The following CSMD1 variants were observed in gnomAD, a reference collection of about 807,000 sequenced individuals.
CSMD1 encodes the protein CUB and Sushi multiple domains 1.
Under a neutral mutation model 417.5 loss-of-function variants are expected in CSMD1, and 213 were observed. The ratio of observed to expected loss-of-function variants is 0.51; its 90% confidence interval spans 0.46 to 0.57. The LOEUF is 0.57. Ranked by LOEUF, CSMD1 falls within the 20% of genes least tolerant of loss-of-function variation. The pLI is 0.00. For synonymous variants in CSMD1, 2,862 were observed against 1,736.8 expected (o/e 1.65, Z -16.11); for missense variants, 6,923 against 4,529.7 (o/e 1.53, Z -15.17).
chr8:4,208,119 CAT>C lies in CSMD1; in HGVS notation c.416-176022_416-176021del, dbSNP rs199726948. ...ATATCAGGACAAGCAATTTCATACACATGATGATTTTCTTAATAAAACATATC... is the reference window on the plus strand; with the variant it reads ...ATATCAGGACAAGCAATTTCATACACGATGATTTTCTTAATAAAACATATC... On this transcript the variant is annotated intron_variant, in intron 3 of 69. Coordinates refer to ENST00000635120, the MANE Select transcript of CSMD1 (RefSeq NM_033225.6). Among the ~76,000 whole-genome samples, 1,185 of 152,216 alleles carry C rather than the reference CAT, an allele frequency of 7.8e-3. 4 individuals carry two copies. Among genetic ancestry groups the C allele is most frequent in the Middle Eastern group, 0.034 (10 of 294 alleles).
intron 26 of CSMD1, among the ~76,000 whole-genome samples, chr8:3,245,789 C>T (rs1327892235): frequency 1.3e-5 from 2 of 152,230 alleles, no homozygotes; most frequent in South Asian, 2.1e-4. Context: ...TGTGTTAAGC[C>T]CTCTTGCTAG....
At chr8:4,371,718 G>T (rs899562853) in intron 3 of CSMD1, among the ~76,000 whole-genome samples, 3 of 152,176 alleles carry the variant, frequency 2.0e-5, no homozygotes, top group African/African-American at 4.8e-5. Context: ...TTGTATGTAT[G>T]TATGTTTTTA....
At chr8:3,839,555 ATT>A (rs1453071233) in intron 5 of CSMD1, among the ~76,000 whole-genome samples, 3 of 96,730 alleles carry the variant, frequency 3.1e-5, no homozygotes, top group African/African-American at 7.0e-5. Flanking sequence ...TTATATATAT[ATT>A]ATAATATATA....
chr8:4,393,040 A>G (rs1035632751), intron 3 of CSMD1, among the ~76,000 whole-genome samples: 10 of 151,736 alleles, frequency 6.6e-5, no homozygotes, highest in Non-Finnish European at 1.5e-4. Flanking sequence ...CAGTGACATG[A>G]CCTAGGCTCA....
rs1554527949 is a variant in CSMD1, at chr8:3,741,230, A to AAAAAC, written c.931+12699_931+12700insGTTTT. Among the ~76,000 whole-genome samples the AAAAAC allele has an allele frequency of 2.1e-3, 316 of 150,748 alleles. 11 individuals are homozygous for AAAAAC. In the East Asian group the frequency reaches 0.045, roughly 22 times the overall value. ...CTCCGTCTTAAAAAAAAAAAAAAAAAAAAAAAAAAAACATACAGAAGAAGA... is the reference window on the plus strand; with the variant it reads ...CTCCGTCTTAAAAAAAAAAAAAAAAAAAAACAAAAAAAAAAACATACAGAAGAAGA... On this transcript the variant is annotated intron_variant, in intron 6 of 69. Transcript: ENST00000635120.
chr8:4,020,664 C>G (rs568606648), intron 4 of CSMD1, among the ~76,000 whole-genome samples: 31 of 152,318 alleles, frequency 2.0e-4, no homozygotes, highest in African/African-American at 5.8e-4. Context: ...TATTCCAGGA[C>G]AGATAACAAA....
intron 1 of CSMD1, among the ~76,000 whole-genome samples, chr8:4,855,318 A>G (rs1273843515): frequency 6.6e-6 from 1 of 152,094 alleles, no homozygotes. Flanking sequence ...TGGGGAAAAA[A>G]CAGAACAGAA....
intron 3 of CSMD1, among the ~76,000 whole-genome samples, chr8:4,053,792 G>A (rs916640160): frequency 2.6e-5 from 4 of 152,026 alleles, no homozygotes; most frequent in African/African-American, 9.7e-5. Context: ...GAATAAACCA[G>A]TATGTTTAAA....
chr8:3,561,183 G>A (rs1345161863), intron 10 of CSMD1, among the ~76,000 whole-genome samples: 3 of 152,114 alleles, frequency 2.0e-5, no homozygotes, highest in Non-Finnish European at 4.4e-5. Context: ...AATACTATTG[G>A]TAGCAATGTA....
At chr8:3,459,762 C>A (rs1378693193) in intron 12 of CSMD1, among the ~76,000 whole-genome samples, 4 of 152,064 alleles carry the variant, frequency 2.6e-5, no homozygotes, top group Non-Finnish European at 5.9e-5. Context: ...GGCACATGAA[C>A]AGATTTGGGT....
chr8:3,693,179 T>A (rs1273523678), intron 7 of CSMD1, among the ~76,000 whole-genome samples: 1 of 152,138 alleles, frequency 6.6e-6, no homozygotes, highest in African/African-American at 2.4e-5. Flanking sequence ...GTAAAATTGG[T>A]CAGGAGTCAA....
At position 3,367,300 on chromosome 8, in the gene CSMD1, C is replaced by T. The variant is rs995173968; in HGVS notation, c.2900-53G>A. ...GAGAGACAGAGAGAGACACACGGGGCGGCGGGGGCAGAGAGGGAGCGGGGC... is the reference window on the plus strand; with the variant it reads ...GAGAGACAGAGAGAGACACACGGGGTGGCGGGGGCAGAGAGGGAGCGGGGC... On this transcript the variant is annotated intron_variant, in intron 19 of 69. Transcript: ENST00000635120. The T allele has an allele frequency of 2.6e-5, 33 of 1,272,400 alleles. 1 individual carries two copies. Among genetic ancestry groups the T allele is most frequent in the Admixed American group, 3.9e-5 (2 of 50,672 alleles). 78.8% of individuals were successfully genotyped at this position (1,272,400 alleles called of 1,614,324 possible). A position where few individuals can be genotyped will look rare whatever the true frequency, so the allele number is the denominator to read the frequency against.
At chr8:4,424,514 C>G (rs914573123) in intron 2 of CSMD1, among the ~76,000 whole-genome samples, 1 of 151,772 alleles carries the variant, frequency 6.6e-6, no homozygotes, top group African/African-American at 2.4e-5. Context: ...TTCAGCCAAT[C>G]AGAATAGCTG....
Position 4,154,369 on chromosome 8 carries a change from G to A in CSMD1, c.416-122270C>T, listed in dbSNP as rs562137432. Among the ~76,000 whole-genome samples, 24 of 152,318 alleles carry A rather than the reference G, an allele frequency of 1.6e-4. No individual in the cohort carries two copies. In the South Asian group the frequency reaches 4.8e-3, roughly 30 times the overall value. ...TCAGTCAAGCAAATGTCCATGTTTT[G>A]TGACATATATCTCTAATCTATTGTA... is the stretch of plus-strand genomic sequence containing the variant. On this transcript the variant is annotated intron_variant, in intron 3 of 69. Transcript: ENST00000635120.
At chr8:4,295,526 TTACA>T (rs1452448584) in intron 3 of CSMD1, among the ~76,000 whole-genome samples, 1 of 144,620 alleles carries the variant, frequency 6.9e-6, no homozygotes, top group Non-Finnish European at 1.5e-5. Flanking sequence ...CTTATATATA[TTACA>T]TATATTATAA....
intron 1 of CSMD1, among the ~76,000 whole-genome samples, chr8:4,648,904 T>C (rs1276016547): frequency 6.6e-6 from 1 of 152,206 alleles, no homozygotes; most frequent in Non-Finnish European, 1.5e-5. Flanking sequence ...TGCTTCCGCA[T>C]ATACGTAAAT....
intron 3 of CSMD1, among the ~76,000 whole-genome samples, chr8:4,259,948 A>C (rs1229761699): frequency 1.3e-4 from 20 of 152,130 alleles, no homozygotes; most frequent in Admixed American, 1.3e-3. Context: ...TTTGCTAACA[A>C]ATGTAATTGT....
intron 5 of CSMD1, among the ~76,000 whole-genome samples, chr8:3,774,674 C>T (rs1484996621): frequency 6.6e-6 from 1 of 152,138 alleles, no homozygotes; most frequent in Non-Finnish European, 1.5e-5. Context: ...GTGAAAAAAT[C>T]AGTTTGACTA....
rs781185871 is a variant in CSMD1 at position 3,205,590 on chromosome 8, T to G, written c.4898A>C (p.Glu1633Ala). Residue 1633 changes from glutamate (E) to alanine (A), a missense_variant, in exon 31 of 70, where the codon GAA (glutamate) becomes GCA (alanine). Coordinates refer to ENST00000635120, the MANE Select transcript of CSMD1 (RefSeq NM_033225.6). Reference protein sequence around the residue: ...APCGGQYTGSEGVVLSPNYPH... With the variant: ...APCGGQYTGSAGVVLSPNYPH... Reference sequence around the variant, plus strand: ...GTAGTTTGGTGATAAAACTACCCCTTCTGATCCCGTGTACTGGCCTCCACA... The same window carrying G: ...GTAGTTTGGTGATAAAACTACCCCTGCTGATCCCGTGTACTGGCCTCCACA... 91 of 1,589,056 alleles carry G rather than the reference T, an allele frequency of 5.7e-5. No homozygotes were observed. The highest frequency in any genetic ancestry group is 7.3e-5 in the Non-Finnish European group (85 of 1,164,630).
Sources: allele counts gnomAD v4.1 joint callset (sites outside exome capture counted in the v4.1 genomes callset), GRCh38; gene constraint gnomAD v4.1.1; transcripts MANE v1.5; gene names NCBI Gene and HGNC (gene_info 2026-07-23, HGNC 2026-07-21).